The following MGLL variants were observed in gnomAD, a reference collection of about 807,000 sequenced individuals.
The protein encoded by MGLL is monoglyceride lipase.
A neutral mutation model predicts 29.1 loss-of-function variants in MGLL; 7 were observed. The ratio of observed to expected loss-of-function variants is 0.24; its 90% CI spans 0.14 to 0.45. The LOEUF is 0.45. MGLL is among the 20% of genes least tolerant of loss of function. The pLI is 0.99. For missense variants in MGLL, 356 were observed against 413.6 expected (o/e 0.86, Z 1.21); for synonymous variants, 148 against 168.3 (o/e 0.88, Z 0.93).
At chr3:127,804,153 A>G (rs2077525438) in intron 2 of MGLL, among the ~76,000 whole-genome samples, 1 of 152,232 alleles carries the variant, frequency 6.6e-6, no homozygotes, top group African/African-American at 2.4e-5. Flanking sequence ...GTAAACAATC[A>G]AGGTTTGGGA....
intron 6 of MGLL, among the ~76,000 whole-genome samples, chr3:127,701,450 G>A (rs1430593588): frequency 3.9e-5 from 6 of 152,156 alleles, no homozygotes; most frequent in Non-Finnish European, 5.9e-5. Context: ...GTCACGCAGA[G>A]ATAAGTCCCA....
At chr3:127,822,228 A>G in intron 1 of MGLL, 81 bp downstream of exon 1, 1 of 1,478,934 alleles carries the variant, frequency 6.8e-7, no homozygotes, top group East Asian at 2.3e-5. Flanking sequence ...TCCAAGGAAC[A>G]GTTTCAAGTG....
At chr3:127,801,318 AAAG>A (rs1222980298) in intron 2 of MGLL, among the ~76,000 whole-genome samples, 4 of 140,574 alleles carry the variant, frequency 2.8e-5, no homozygotes, top group Non-Finnish European at 4.6e-5. Flanking sequence ...AAAAAAAAAA[AAAG>A]GAGTGGGGGT....
chr3:127,799,492 T>A (rs2077440890), intron 2 of MGLL: 2 of 152,048 alleles, frequency 1.3e-5, no homozygotes, highest in Non-Finnish European at 2.9e-5. Context: ...GGTGAGAAGG[T>A]GAAAGAGATT....
At chr3:127,710,728 A>C in intron 5 of MGLL, 63 bp from the exon 6 acceptor site, 1 of 1,371,120 alleles carries the variant, frequency 7.3e-7, no homozygotes, top group Non-Finnish European at 1.0e-6. Context: ...GCTCTTCCGC[A>C]GTGACAGTTT....
intron 2 of MGLL, among the ~76,000 whole-genome samples, chr3:127,820,976 G>T (rs1432004450): frequency 1.3e-5 from 2 of 152,216 alleles, no homozygotes; most frequent in African/African-American, 4.8e-5. Context: ...TAGGAGACAA[G>T]AGGCCTACAA....
intron 6 of MGLL, among the ~76,000 whole-genome samples, chr3:127,699,222 G>A (rs1429333488): frequency 6.6e-6 from 1 of 152,186 alleles, no homozygotes; most frequent in Non-Finnish European, 1.5e-5. Flanking sequence ...TTCCAGCACT[G>A]TCTCTCTGTG....
intron 2 of MGLL, among the ~76,000 whole-genome samples, chr3:127,816,967 C>T (rs907871098): frequency 6.6e-6 from 1 of 152,248 alleles, no homozygotes; most frequent in Non-Finnish European, 1.5e-5. Flanking sequence ...CTCCATGTCA[C>T]CGACGGGAAA....
intron 3 of MGLL, among the ~76,000 whole-genome samples, chr3:127,742,213 C>T (rs146879533): frequency 1.5e-4 from 23 of 152,092 alleles, no homozygotes; most frequent in Non-Finnish European, 1.8e-4. Flanking sequence ...CGGGAGTTAC[C>T]ATTTGAAAAA....
chr3:127,707,772 CT>C (rs2075630847), intron 6 of MGLL, among the ~76,000 whole-genome samples: 1 of 152,154 alleles, frequency 6.6e-6, no homozygotes, highest in Non-Finnish European at 1.5e-5. Context: ...CCTCTTATGC[CT>C]TTTTTCCTGA....
intron 3 of MGLL, among the ~76,000 whole-genome samples, chr3:127,754,168 G>A (rs1383265907): frequency 6.6e-6 from 1 of 152,084 alleles, no homozygotes; most frequent in East Asian, 1.9e-4. Flanking sequence ...CTTCCTCCTT[G>A]GCAGGGCAGG....
intron 5 of MGLL, among the ~76,000 whole-genome samples, chr3:127,714,618 G>C (rs1291458989): frequency 6.6e-6 from 1 of 150,806 alleles, no homozygotes; most frequent in East Asian, 2.0e-4. Flanking sequence ...TTTTCCCAGT[G>C]AATGCGCACA....
intron 3 of MGLL, among the ~76,000 whole-genome samples, chr3:127,723,487 T>A (rs1402768108): frequency 1.3e-5 from 2 of 151,942 alleles, no homozygotes; most frequent in Non-Finnish European, 2.9e-5. Flanking sequence ...TTGGAGACCC[T>A]CCTGCTGTCA....
intron 2 of MGLL, among the ~76,000 whole-genome samples, chr3:127,813,405 T>C (rs35948688): frequency 0.12 from 18,260 of 152,214 alleles, 1,449 homozygotes; most frequent in Middle Eastern, 0.22. Context: ...GGTGCCCACA[T>C]ACTTCTAACC....
At chr3:127,740,738 C>T (rs993263437) in intron 3 of MGLL, among the ~76,000 whole-genome samples, 3 of 152,250 alleles carry the variant, frequency 2.0e-5, no homozygotes, top group Non-Finnish European at 4.4e-5. Context: ...GGAAGGAAAG[C>T]TCCCCACACT....
intron 2 of MGLL, among the ~76,000 whole-genome samples, chr3:127,804,463 CA>C (rs1287212986): frequency 1.3e-5 from 2 of 152,236 alleles, no homozygotes; most frequent in Non-Finnish European, 1.5e-5. Flanking sequence ...TGGCCACCTA[CA>C]GGGGAATGAG....
At chr3:127,692,892 C>A (rs1044801277) in intron 7 of MGLL, among the ~76,000 whole-genome samples, 28 of 152,192 alleles carry the variant, frequency 1.8e-4, no homozygotes, top group African/African-American at 6.5e-4. Flanking sequence ...AGTCCAGGCT[C>A]ACCCCACCCA....
intron 2 of MGLL, among the ~76,000 whole-genome samples, chr3:127,811,518 T>G (rs2077662021): frequency 6.6e-6 from 1 of 152,218 alleles, no homozygotes; most frequent in Non-Finnish European, 1.5e-5. Flanking sequence ...TTTTCCCCCA[T>G]GCAACAGATT....
In MGLL at chr3:127,790,758, C is replaced by T. The variant is rs138821193; in HGVS notation, c.156-8863G>A. Among the ~76,000 whole-genome samples, 12 of 152,290 alleles carry T rather than the reference C, an allele frequency of 7.9e-5. No homozygotes were observed. In the East Asian group the frequency reaches 2.3e-3, roughly 29 times the overall value. On this transcript the variant is annotated intron_variant, in intron 2 of 7. Coordinates refer to ENST00000265052, the MANE Select transcript of MGLL (RefSeq NM_007283.7). ...AGCCTGACTCCAGCCTGCCCCGCAG[C>T]CTCTTGCCTCCCCCACACCAGAATG...
Sources: gnomAD v4.1 joint callset for allele counts (sites outside exome capture counted in the v4.1 genomes callset) on GRCh38, gnomAD v4.1.1 for gene constraint, MANE v1.5 for transcripts, NCBI Gene and HGNC (gene_info 2026-07-23, HGNC 2026-07-21) for gene names.